The following UNC80 variants were observed in gnomAD, a reference collection of about 807,000 sequenced individuals.
UNC80 encodes the protein unc-80 subunit of NALCN channel complex.
Under a neutral mutation model 384.6 loss-of-function variants are expected in UNC80, and 164 were observed. That is an observed-to-expected ratio of 0.43 (90% CI 0.38 to 0.49). UNC80 has a LOEUF of 0.49. Ranked by LOEUF, UNC80 falls within the 20% of genes least tolerant of loss-of-function variation. UNC80 has a pLI of 0.00. For missense variants in UNC80, 3,330 were observed against 4,143.0 expected (o/e 0.80, Z 5.39); for synonymous variants, 1,486 against 1,527.8 (o/e 0.97, Z 0.64).
chr2:209,788,024 G>A (rs1408924820), intron 5 of UNC80, among the ~76,000 whole-genome samples: 1 of 152,126 alleles, frequency 6.6e-6, no homozygotes, highest in African/African-American at 2.4e-5. Context: ...TCTTGATGCC[G>A]GGTAGGCCTA....
chr2:209,846,244 A>G (rs1188110412), intron 21 of UNC80, among the ~76,000 whole-genome samples: 1 of 152,174 alleles, frequency 6.6e-6, no homozygotes, highest in African/African-American at 2.4e-5. Context: ...AAAATTTAAA[A>G]GTTATTCAAT....
chr2:209,808,814 C>A, intron 7 of UNC80: 1 of 31,240 alleles, frequency 3.2e-5, no homozygotes, highest in Non-Finnish European at 5.3e-5. Context: ...ATGCCGCGCT[C>A]TTTCCTCGTC....
At chr2:209,945,761 G>C (rs561561299) in intron 46 of UNC80, 86 bp from the exon 47 acceptor site, 6 of 835,932 alleles carry the variant, frequency 7.2e-6, no homozygotes, top group Non-Finnish European at 1.2e-5. Context: ...GTATATACTG[G>C]AATGATAACA....
intron 22 of UNC80, among the ~76,000 whole-genome samples, chr2:209,857,615 T>C (rs545450763): frequency 8.5e-5 from 13 of 152,274 alleles, no homozygotes; most frequent in African/African-American, 3.1e-4. Context: ...TTTGGGCTAA[T>C]TGCATTATTC....
intron 47 of UNC80, among the ~76,000 whole-genome samples, chr2:209,948,761 A>G (rs1396399156): frequency 6.6e-6 from 1 of 152,094 alleles, no homozygotes; most frequent in African/African-American, 2.4e-5. Context: ...GGGATTTCCA[A>G]TATTTCATCA....
At chr2:209,804,180 G>A (rs542859225) in intron 7 of UNC80, among the ~76,000 whole-genome samples, 79 of 152,206 alleles carry the variant, frequency 5.2e-4, no homozygotes, top group African/African-American at 1.7e-3. Flanking sequence ...CACCAAACAC[G>A]CCCAACATAC....
rs200385752 is a variant in UNC80, at chr2:209,994,223, G to A, written c.9667G>A (p.Ala3223Thr). ...MDEPVLTSSPAIVVADLHSVS... is the reference protein window; with the variant it reads ...MDEPVLTSSPTIVVADLHSVS... ...CGAACCAGTCCTCACATCTTCTCCC[G>A]CCATAGTTGTTGCGGATCTCCACAG... The change falls in exon 64 of 65, where the codon GCC becomes ACC. Residue 3223 changes from alanine to threonine, a missense_variant. Ala to Thr is a moderately conservative substitution (Grantham distance 58). Around this residue, in one of 8 missense-constraint regions of UNC80, gnomAD observed 236 missense variants for 254.9 expected, o/e 0.93. Transcript: ENST00000673920. 3.9e-6 allele frequency: 6 copies of A among 1,550,970 alleles called. No homozygotes were observed. Among genetic ancestry groups the A allele is most frequent in the South Asian group, 2.4e-5 (2 of 84,032 alleles).
chr2:209,834,158 G>A lies in UNC80; in HGVS notation c.2932G>A (p.Gly978Ser). ...GAATGAACAGGAATCTAAGCCTGCAGGCAGTAAAAGGTTGGAAGCTTGAAC... is the reference window on the plus strand; with the variant it reads ...GAATGAACAGGAATCTAAGCCTGCAAGCAGTAAAAGGTTGGAAGCTTGAAC... ...EENEQESKPA[G>S]SKRSEAGSIV... is the part of the protein sequence containing the mutation. Residue 978 changes from glycine to serine, a missense_variant, in exon 17 of 65, where the codon GGC becomes AGC. Gly to Ser is a moderately conservative substitution (Grantham distance 56). Around this residue, in one of 8 missense-constraint regions of UNC80, gnomAD observed 801 missense variants for 950.8 expected, o/e 0.84. Coordinates refer to ENST00000673920, the MANE Select transcript of UNC80 (RefSeq NM_001371986.1). 1 of 1,551,512 alleles carries A rather than the reference G, an allele frequency of 6.4e-7. No individual in the cohort carries two copies.
rs533953062 is a variant in UNC80, at chr2:209,775,825, A to G, written c.142-64A>G. ...ATTTTTTCACTAACCAGAATCTTCA[A>G]TTTCTTAGTTTACGTGGTTTTGGAT... On this transcript the variant is annotated intron_variant, in intron 2 of 64. Transcript: ENST00000673920. The G allele has an allele frequency of 5.0e-4, 777 of 1,539,086 alleles. 2 individuals are homozygous for G. The highest frequency in any genetic ancestry group is 6.5e-4 in the Non-Finnish European group (738 of 1,131,842).
intron 7 of UNC80, chr2:209,794,802 T>A (rs2078052513): frequency 2.2e-6 from 1 of 455,012 alleles, no homozygotes; most frequent in Non-Finnish European, 4.4e-6. Context: ...AAGAAGCACC[T>A]TTCACTTCCC....
intron 51 of UNC80, among the ~76,000 whole-genome samples, chr2:209,960,329 C>G (rs779234806): frequency 9.9e-5 from 15 of 152,178 alleles, no homozygotes; most frequent in Non-Finnish European, 1.5e-4. Flanking sequence ...AGAATTACTT[C>G]CCTGTGCACT....
At chr2:209,802,639 T>A (rs1574503638) in intron 7 of UNC80, among the ~76,000 whole-genome samples, 1 of 152,300 alleles carries the variant, frequency 6.6e-6, no homozygotes, top group East Asian at 1.9e-4. Context: ...TCATCAAAAT[T>A]TGTTTTTCTG....
rs949556543 is a variant in UNC80 at position 209,969,592 on chromosome 2, G to A, written c.8007-176G>A. The A allele has an allele frequency of 2.5e-5, 20 of 814,102 alleles. No homozygotes were observed. The Middle Eastern group carries it at 1.1e-3, about 46-fold the overall frequency. The allele number at this position is 814,102 out of a possible 1,614,324, so 50.4% of individuals were successfully genotyped here. A position where few individuals can be genotyped will look rare whatever the true frequency, so the allele number is the denominator to read the frequency against. The stretch of plus-strand genomic sequence containing the variant: ...AGTGGGGCAGGCCTGCCTCTGCTAC[G>A]TTTTCAGTATCTTCTTCCCCTCCCA... On this transcript the variant is annotated intron_variant, in intron 52 of 64. Transcript: ENST00000673920.
chr2:209,835,040 A>G (rs1380537752), intron 18 of UNC80, 30 bp downstream of exon 18: 6 of 1,487,008 alleles, frequency 4.0e-6, no homozygotes, highest in Non-Finnish European at 4.6e-6. Flanking sequence ...TCTCCAGTGC[A>G]GACGGCTATG....
In UNC80 at chr2:209,815,381, T is replaced by C; in HGVS notation, c.1325T>C (p.Ile442Thr). 1 of 1,551,006 alleles carries C rather than the reference T, an allele frequency of 6.4e-7. No homozygotes were observed. Among genetic ancestry groups the C allele is most frequent in the Non-Finnish European group, 8.7e-7 (1 of 1,146,750 alleles). The change falls in exon 9 of 65, where the codon ATT (isoleucine) becomes ACT (threonine). Residue 442 changes from isoleucine to threonine, a missense_variant. This residue lies in a region of UNC80 where 937 missense variants were observed against 1,026.8 expected (regional missense o/e 0.91). Coordinates refer to ENST00000673920, the MANE Select transcript of UNC80 (RefSeq NM_001371986.1). ...CTTTCTTCAGACCTGGGCATGAATA[T>C]TTTTAAAAAGGTGAGTAGAAATGCT... is the stretch of plus-strand genomic sequence containing the variant. ...PDLSSDLGMNIFKKFKSRKED... is the reference protein window; with the variant it reads ...PDLSSDLGMNTFKKFKSRKED...
intron 28 of UNC80, 108 bp downstream of exon 28, chr2:209,896,521 C>A: frequency 2.2e-6 from 2 of 924,360 alleles, no homozygotes; most frequent in Non-Finnish European, 3.4e-6. Context: ...CCGATCTAGC[C>A]TCCAAGAGAA....
intron 31 of UNC80, among the ~76,000 whole-genome samples, chr2:209,915,599 T>C (rs1013811105): frequency 2.6e-5 from 4 of 152,036 alleles, no homozygotes; most frequent in Admixed American, 1.3e-4. Flanking sequence ...TTGTGGACCT[T>C]CCACTGAATT....
intron 7 of UNC80, among the ~76,000 whole-genome samples, chr2:209,806,451 C>T (rs1559120447): frequency 6.6e-6 from 1 of 152,188 alleles, no homozygotes; most frequent in Non-Finnish European, 1.5e-5. Flanking sequence ...TGCGTAGTCG[C>T]CCACAGCAAC....
intron 27 of UNC80, 82 bp from the exon 28 acceptor site, chr2:209,896,231 A>G: frequency 8.0e-7 from 1 of 1,256,650 alleles, no homozygotes; most frequent in Non-Finnish European, 1.1e-6. Flanking sequence ...TAGGATTCAG[A>G]AGCATGGACA....
Sources: allele counts gnomAD v4.1 joint callset (sites outside exome capture counted in the v4.1 genomes callset), GRCh38; gene constraint gnomAD v4.1.1; regional missense constraint gnomAD v4.1.1; transcripts MANE v1.5; gene names NCBI Gene and HGNC (gene_info 2026-07-23, HGNC 2026-07-21).